The following GTPBP1 variants were observed in gnomAD, a reference collection of about 807,000 sequenced individuals.
GTPBP1 encodes the protein GTP binding protein 1, also known as GTP-binding protein 1.
In GTPBP1, 23 loss-of-function variants were observed where a neutral mutation model predicts 62.0. The ratio of observed to expected loss-of-function variants is 0.37; its 90% CI spans 0.27 to 0.53. The LOEUF (loss-of-function observed/expected upper bound fraction) is 0.53. Among genes scored for constraint, GTPBP1 ranks in the 20% least tolerant of loss-of-function variants. The probability of loss-of-function intolerance (pLI) is 0.89; values close to 1 mark genes in which losing one functional copy is unlikely to be tolerated. For synonymous variants in GTPBP1, 344 were observed against 364.4 expected, an observed-to-expected ratio of 0.94 and a Z score of 0.64; for missense variants, 640 against 917.3, an observed-to-expected ratio of 0.70 and a Z score of 3.90.
chr22:38,741,450 G>T, downstream of GTPBP1: 1 of 1,582,240 alleles, frequency 6.3e-7, no homozygotes, highest in East Asian at 2.2e-5. Context: ...GTTGGATGGG[G>T]TCAGGACCCA....
chr22:38,712,779 T>C (rs2092647303), intron 2 of GTPBP1, among the ~76,000 whole-genome samples: 2 of 152,098 alleles, frequency 1.3e-5, no homozygotes. Context: ...CAGGGGAGGT[T>C]GAATAGAATT....
Position 38,726,031 on chromosome 22 carries a change from A to C in GTPBP1, c.1099A>C (p.Asn367His). The change falls in exon 7 of 12, where the codon AAC (asparagine) becomes CAC (histidine). Residue 367 changes from asparagine to histidine, a missense_variant. Physicochemically the swap from Asn to His is moderately conservative, Grantham distance 68. Transcript: ENST00000216044. The surrounding 1 kb of genome is among the most constrained non-coding windows in gnomAD (Gnocchi z 4.1). ...ERMCPIFQIS[N>H]VTGENLDLLK... ...GATGTGCCCGATATTCCAGATCTCC[A>C]ACGTTACAGGCGAGAACCTAGATCT... 1 of 1,614,002 alleles carries C rather than the reference A, an allele frequency of 6.2e-7. No homozygotes were observed. Among genetic ancestry groups the C allele is most frequent in the Non-Finnish European group, 8.5e-7 (1 of 1,179,950 alleles).
Position 38,730,905 on chromosome 22 carries a change from A to ACCATCTCTCACTGTCCTCC in GTPBP1, c.*205_*223dup, listed in dbSNP as rs2092755183. 1 of 550,776 alleles carries ACCATCTCTCACTGTCCTCC rather than the reference A, an allele frequency of 1.8e-6. No homozygotes were observed. Among genetic ancestry groups the ACCATCTCTCACTGTCCTCC allele is most frequent in the Admixed American group, 3.5e-5 (1 of 28,566 alleles). 34.1% of individuals were successfully genotyped at this position (550,776 alleles called of 1,614,324 possible). ...AGGTAGCCAGACTTCCGGAGGACTG[A>ACCATCTCTCACTGTCCTCC]CCATCTCTCACTGTCCTCCCCACCT... On this transcript the variant is annotated 3_prime_UTR_variant, in exon 12 of 12. Coordinates refer to ENST00000216044, the MANE Select transcript of GTPBP1 (RefSeq NM_004286.5). This position sits in a 1 kb window ranked among gnomAD's most constrained non-coding sequence, Gnocchi z 5.6.
downstream of GTPBP1, chr22:38,739,034 G>A (rs760090150): frequency 1.3e-6 from 2 of 1,555,426 alleles, no homozygotes; most frequent in East Asian, 2.4e-5. This position sits in a 1 kb window ranked among gnomAD's most constrained non-coding sequence, Gnocchi z 6.7. Context: ...ACGGGAGGAG[G>A]GCCCCGCTCA....
rs765125951 is a variant in GTPBP1, at chr22:38,724,427, C to T, written c.1073+16C>T. 3.6e-5 allele frequency: 52 copies of T among 1,463,916 alleles called. No homozygotes were observed. Among genetic ancestry groups the T allele is most frequent in the Non-Finnish European group, 4.5e-5 (47 of 1,043,330 alleles). 90.7% of individuals were successfully genotyped at this position (1,463,916 alleles called of 1,614,324 possible). ...GCTCTGAAAGGTAACGCGTGGGGAG[C>T]GCACACTTCAGACAGGCACCCTTGC... is the stretch of plus-strand genomic sequence containing the variant. On this transcript the variant is annotated intron_variant, in intron 6 of 11. Coordinates refer to ENST00000216044, the MANE Select transcript of GTPBP1 (RefSeq NM_004286.5).
chr22:38,742,134 T>C (rs1166312934), downstream of GTPBP1, among the ~76,000 whole-genome samples: 1 of 149,946 alleles, frequency 6.7e-6, no homozygotes, highest in African/African-American at 2.5e-5. Context: ...CAGAGTGAGA[T>C]ATTGTCTCAA....
downstream of GTPBP1, chr22:38,740,350 G>T: frequency 1.9e-6 from 3 of 1,585,834 alleles, no homozygotes; most frequent in Non-Finnish European, 2.6e-6. This position sits in a 1 kb window ranked among gnomAD's most constrained non-coding sequence, Gnocchi z 4.8. Context: ...AGAGCCGCCA[G>T]CTCCTGCTGC....
chr22:38,739,926 C>G (rs940859685), downstream of GTPBP1: 2 of 1,611,610 alleles, frequency 1.2e-6, no homozygotes, highest in East Asian at 2.2e-5. This position sits in a 1 kb window ranked among gnomAD's most constrained non-coding sequence, Gnocchi z 6.7. Context: ...TGATCCAGGC[C>G]GGGAACTGAG....
chr22:38,709,107 A>AC lies in GTPBP1; in HGVS notation c.304+155dup, dbSNP rs1187214442. On this transcript the variant is annotated intron_variant, in intron 2 of 11. Coordinates refer to ENST00000216044, the MANE Select transcript of GTPBP1 (RefSeq NM_004286.5). Reference sequence around the variant, plus strand: ...AGACCAGCCTGGCCAACATGGTGAAACCCCATCTCTACTAAAAATACAAAA... The same window carrying AC: ...AGACCAGCCTGGCCAACATGGTGAAACCCCCATCTCTACTAAAAATACAAAA... 4 of 522,608 alleles carry AC rather than the reference A, an allele frequency of 7.7e-6. No individual in the cohort carries two copies. In the African/African-American group the frequency reaches 7.7e-5, roughly 10 times the overall value. 32.4% of individuals were successfully genotyped at this position (522,608 alleles called of 1,614,324 possible). A position where few individuals can be genotyped will look rare whatever the true frequency, so the allele number is the denominator to read the frequency against.
intron 2 of GTPBP1, 83 bp downstream of exon 2, chr22:38,709,039 T>C (rs1247194992): frequency 3.7e-6 from 3 of 808,246 alleles, no homozygotes; most frequent in Non-Finnish European, 6.4e-6. Context: ...TCCCAGCACT[T>C]TGGGAGGCCA....
chr22:38,739,321 C>T (rs376843353), downstream of GTPBP1: 10 of 1,611,906 alleles, frequency 6.2e-6, no homozygotes, highest in African/African-American at 1.3e-5. The surrounding 1 kb of genome is among the most constrained non-coding windows in gnomAD (Gnocchi z 6.7). Flanking sequence ...CAAGGCAGAG[C>T]GAGGAAAGCA....
At chr22:38,738,219 A>T, downstream of GTPBP1, 1 of 1,613,928 alleles carries the variant, frequency 6.2e-7, no homozygotes, top group Non-Finnish European at 8.5e-7. The surrounding 1 kb of genome is among the most constrained non-coding windows in gnomAD (Gnocchi z 6.6). Flanking sequence ...ATCGTAAGTG[A>T]ACTTGCCAAG....
downstream of GTPBP1, chr22:38,740,241 GCAGGGCCC>G: frequency 6.5e-7 from 1 of 1,527,476 alleles, no homozygotes; most frequent in Non-Finnish European, 8.8e-7. The surrounding 1 kb of genome is among the most constrained non-coding windows in gnomAD (Gnocchi z 4.8). Context: ...AGAGGGACCA[GCAGGGCCC>G]TGGTGGTTCC....
At chr22:38,737,021 AT>A (rs1336409493), downstream of GTPBP1, among the ~76,000 whole-genome samples, 1 of 151,950 alleles carries the variant, frequency 6.6e-6, no homozygotes, top group Non-Finnish European at 1.5e-5. The surrounding 1 kb of genome is among the most constrained non-coding windows in gnomAD (Gnocchi z 4.1). Context: ...ATTTTTTAAC[AT>A]TTTTTGTAGA....
chr22:38,727,558 C>A lies in GTPBP1; in HGVS notation c.1537+210C>A, dbSNP rs1358824742. 6.6e-6 allele frequency among the ~76,000 whole-genome samples: 1 copy of A among 152,246 alleles called. No individual in the cohort carries two copies. Among genetic ancestry groups the A allele is most frequent in the Non-Finnish European group, 1.5e-5 (1 of 68,036 alleles). ...AGGGCTGGGCTCTTGAGACCCAGAC[C>A]TGTCCTCAGGGACCTCACATGCAAT... On this transcript the variant is annotated intron_variant, in intron 9 of 11. Coordinates refer to ENST00000216044, the MANE Select transcript of GTPBP1 (RefSeq NM_004286.5). This position sits in a 1 kb window ranked among gnomAD's most constrained non-coding sequence, Gnocchi z 6.5.
chr22:38,713,777 T>G (rs1329626245), intron 2 of GTPBP1, among the ~76,000 whole-genome samples: 2 of 152,198 alleles, frequency 1.3e-5, no homozygotes, highest in East Asian at 3.8e-4. Flanking sequence ...TTTATTAACA[T>G]TGTTAGTGTC....
Position 38,716,943 on chromosome 22 carries a change from C to T in GTPBP1, c.777C>T (p.Tyr259=). ...TCGACTTGGCTGGTCATGAGAAGTA[C>T]CTGAAAACCACTGTCTTCGGCATGA... The part of the protein sequence containing the change: ...TFIDLAGHEK[Y]LKTTVFGMTG... The change falls in exon 4 of 12, where the codon TAC becomes TAT. Residue 259 remains tyrosine, a synonymous_variant. Coordinates refer to ENST00000216044, the MANE Select transcript of GTPBP1 (RefSeq NM_004286.5). The surrounding 1 kb of genome is among the most constrained non-coding windows in gnomAD (Gnocchi z 5.2). 9 of 1,613,990 alleles carry T rather than the reference C, an allele frequency of 5.6e-6. No homozygotes were observed. Among genetic ancestry groups the T allele is most frequent in the Non-Finnish European group, 7.6e-6 (9 of 1,179,846 alleles).
intron 2 of GTPBP1, among the ~76,000 whole-genome samples, chr22:38,715,671 T>C (rs1187762047): frequency 6.6e-6 from 1 of 152,142 alleles, no homozygotes; most frequent in Non-Finnish European, 1.5e-5. Flanking sequence ...AGAGCCTCGG[T>C]GGCTGTTGTT....
At chr22:38,735,219 A>G (rs754075967), downstream of GTPBP1, 1 of 454,428 alleles carries the variant, frequency 2.2e-6, no homozygotes, top group South Asian at 1.6e-5. Flanking sequence ...CAACTGCCCC[A>G]CAGAGAACAA....
Sources: allele counts gnomAD v4.1 joint callset (sites outside exome capture counted in the v4.1 genomes callset), GRCh38; gene constraint gnomAD v4.1.1; non-coding constraint Gnocchi (gnomAD v3.1); transcripts MANE v1.5; gene names NCBI Gene and HGNC (gene_info 2026-07-23, HGNC 2026-07-21).